The following SPATA6L variants were observed in gnomAD, a reference collection of about 807,000 sequenced individuals.
SPATA6L encodes spermatogenesis associated 6-like protein.
SPATA6L carries 68 observed loss-of-function variants against 49.2 expected under a neutral mutation model. The observed-to-expected ratio is 1.38, with a 90% confidence interval of 1.14 to 1.69. SPATA6L has a LOEUF of 1.69. SPATA6L is among the 40% of genes most tolerant of loss of function. SPATA6L has a pLI of 0.00. For missense variants in SPATA6L, 668 were observed against 464.3 expected, an observed-to-expected ratio of 1.44 and a Z score of -4.03; for synonymous variants, 198 against 165.7, an observed-to-expected ratio of 1.19 and a Z score of -1.50.
rs375894540 is a variant in SPATA6L, at chr9:4,661,888, G to A, written c.177+11C>T. The A allele has an allele frequency of 6.2e-7, 1 of 1,613,056 alleles. No homozygotes were observed. The highest frequency in any genetic ancestry group is 2.2e-5 in the East Asian group (1 of 44,838). On this transcript the variant is annotated intron_variant, in intron 2 of 11. Transcript: ENST00000682582. ...TCAGACAACAAAAGCCAATGAGAAA[G>A]TCAAGATCACCTTTTCAAATCTCAT...
At chr9:4,643,468 A>G (rs1462858148) in intron 3 of SPATA6L, among the ~76,000 whole-genome samples, 1 of 152,170 alleles carries the variant, frequency 6.6e-6, no homozygotes, top group Non-Finnish European at 1.5e-5. Flanking sequence ...ATTATTTGTA[A>G]ATATACCAAG....
At chr9:4,613,086 G>C (rs1827154791) in intron 9 of SPATA6L, among the ~76,000 whole-genome samples, 1 of 151,994 alleles carries the variant, frequency 6.6e-6, no homozygotes, top group African/African-American at 2.4e-5. Flanking sequence ...AAATTAGCCA[G>C]GTGTGGTGGT....
Position 4,589,591 on chromosome 9 carries a change from T to C in SPATA6L, c.*255-630A>G, listed in dbSNP as rs370821651. 4.6e-5 allele frequency among the ~76,000 whole-genome samples: 7 copies of C among 152,286 alleles called. No homozygotes were observed. In the East Asian group the frequency reaches 7.7e-4, roughly 17 times the overall value. On this transcript the variant is annotated intron_variant and NMD_transcript_variant, in intron 13 of 13. Transcript: ENST00000461761. ...TGTCATGTAGGAGGTAAACAAAAAA[T>C]AAGTGTTCGCAGTCCTTTCCTATGC... is the stretch of plus-strand genomic sequence containing the variant.
rs112652016 is a variant in SPATA6L at position 4,605,992 on chromosome 9, C to T, written c.996-552G>A. 3.1e-3 allele frequency among the ~76,000 whole-genome samples: 470 copies of T among 152,308 alleles called. 5 individuals are homozygous for T. Among genetic ancestry groups the T allele is most frequent in the African/African-American group, 0.011 (450 of 41,572 alleles). On this transcript the variant is annotated intron_variant, in intron 9 of 11. Transcript: ENST00000682582. ...GCCGAAGCAGGGCGAGGCATTGCCT[C>T]ACTCGGGAAGCGCAAGGGGTCAGGC...
chr9:4,606,855 G>C (rs1486177827), intron 9 of SPATA6L, among the ~76,000 whole-genome samples: 1 of 146,616 alleles, frequency 6.8e-6, no homozygotes, highest in African/African-American at 2.7e-5. Context: ...TGAGCTACGG[G>C]AGGACATTCA....
rs146828061 is a variant in SPATA6L at position 4,589,660 on chromosome 9, G to C, written c.*255-699C>G. ...GTTTGAGATGCTTGGGCTGTGTGAA[G>C]CTGAGATGTACCTTCACATAACACC... On this transcript the variant is annotated intron_variant and NMD_transcript_variant, in intron 13 of 13. Coordinates refer to the SPATA6L transcript ENST00000461761. 3.9e-5 allele frequency among the ~76,000 whole-genome samples: 6 copies of C among 152,304 alleles called. No individual in the cohort carries two copies. In the East Asian group the frequency reaches 1.2e-3, roughly 29 times the overall value.
At chr9:4,607,330 C>G (rs201623735) in intron 9 of SPATA6L, among the ~76,000 whole-genome samples, 6 of 151,634 alleles carry the variant, frequency 4.0e-5, no homozygotes, top group South Asian at 2.1e-4. Flanking sequence ...GCAACTCCAA[C>G]ACACATAATT....
At chr9:4,644,673 T>TCTCTC (rs796293655) in intron 3 of SPATA6L, among the ~76,000 whole-genome samples, 26 of 132,118 alleles carry the variant, frequency 2.0e-4, no homozygotes, top group African/African-American at 8.5e-4. Flanking sequence ...TCTCTCTCTC[T>TCTCTC]CTCTCTCTCT....
intron 3 of SPATA6L, among the ~76,000 whole-genome samples, chr9:4,649,838 T>C (rs1332708685): frequency 6.6e-6 from 1 of 152,206 alleles, no homozygotes; most frequent in African/African-American, 2.4e-5. Flanking sequence ...TATTGGGAAA[T>C]GAAATGAAAA....
rs1019819766 is a variant in SPATA6L, at chr9:4,592,323, A to G, written c.*255-3362T>C. 3.3e-5 allele frequency among the ~76,000 whole-genome samples: 5 copies of G among 151,858 alleles called. 1 individual carries two copies. Among genetic ancestry groups the G allele is most frequent in the Non-Finnish European group, 7.4e-5 (5 of 67,932 alleles). ...GAGGGAGACTCCATCTCAAAAAAAAAAAAAAAAAAATCACAGAGGAAGAAC... is the reference window on the plus strand; with the variant it reads ...GAGGGAGACTCCATCTCAAAAAAAAGAAAAAAAAAATCACAGAGGAAGAAC... On this transcript the variant is annotated intron_variant and NMD_transcript_variant, in intron 13 of 13. Transcript: ENST00000461761.
intron 3 of SPATA6L, among the ~76,000 whole-genome samples, chr9:4,639,129 C>T (rs564843460): frequency 6.6e-6 from 1 of 152,330 alleles, no homozygotes; most frequent in East Asian, 1.9e-4. Flanking sequence ...GTAGAATGCA[C>T]AGCATAGCAC....
intron 11 of SPATA6L, among the ~76,000 whole-genome samples, chr9:4,603,191 G>A (rs916920159): frequency 2.0e-5 from 3 of 152,128 alleles, no homozygotes; most frequent in Non-Finnish European, 2.9e-5. Flanking sequence ...CAGCACTTTG[G>A]GAGGCTGAGG....
chr9:4,622,522 G>A lies in SPATA6L; in HGVS notation c.670-12C>T. 1 of 1,580,272 alleles carries A rather than the reference G, an allele frequency of 6.3e-7. No homozygotes were observed. The highest frequency in any genetic ancestry group is 8.7e-7 in the Non-Finnish European group (1 of 1,153,404). On this transcript the variant is annotated splice_polypyrimidine_tract_variant and intron_variant, in intron 6 of 11. Transcript: ENST00000682582. ...TTTGCACTGTCCACCTGAAAGTAAAGGAAAGAAATAAGACTAGAATCCACT... is the reference window on the plus strand; with the variant it reads ...TTTGCACTGTCCACCTGAAAGTAAAAGAAAGAAATAAGACTAGAATCCACT...
chr9:4,656,450 AAGGAAGGAAGGAAGGAAGG>A (rs1838222941), intron 2 of SPATA6L, among the ~76,000 whole-genome samples: 21 of 121,760 alleles, frequency 1.7e-4, no homozygotes, highest in Non-Finnish European at 3.1e-4. Context: ...GAAAGGAAGG[AAGGAAGGAAGGAAGGAAGG>A]AAGGAAGGAA....
intron 3 of SPATA6L, among the ~76,000 whole-genome samples, chr9:4,638,173 G>A (rs1833187170): frequency 6.9e-6 from 1 of 143,914 alleles, no homozygotes; most frequent in Non-Finnish European, 1.5e-5. Flanking sequence ...GAGATAGAGA[G>A]GCTAGGAAGA....
chr9:4,636,368 G>A (rs1380217739), intron 3 of SPATA6L, among the ~76,000 whole-genome samples: 1 of 151,994 alleles, frequency 6.6e-6, no homozygotes, highest in Non-Finnish European at 1.5e-5. Flanking sequence ...TGTATAAGTT[G>A]ATTATATTAA....
rs761502015 is a variant in SPATA6L at position 4,662,789 on chromosome 9, G to T, written c.40-753C>A. 2 of 1,605,356 alleles carry T rather than the reference G, an allele frequency of 1.2e-6. No individual in the cohort carries two copies. The highest frequency in any genetic ancestry group is 1.7e-6 in the Non-Finnish European group (2 of 1,179,948). On this transcript the variant is annotated intron_variant, in intron 1 of 11. Coordinates refer to ENST00000682582, the MANE Select transcript of SPATA6L (RefSeq NM_001353486.2). This position sits in a 1 kb window ranked among gnomAD's most constrained non-coding sequence, Gnocchi z 4.9. ...TGCGACCCCTTATGAAGCTGCTGGA[G>T]ATCTCGGGACACGGCATCCCCTGGC...
chr9:4,650,312 T>TGCTA (rs1836512533), intron 3 of SPATA6L, among the ~76,000 whole-genome samples: 1 of 152,202 alleles, frequency 6.6e-6, no homozygotes, highest in African/African-American at 2.4e-5. Flanking sequence ...GTCCTAATTC[T>TGCTA]TTCAACTGAG....
At chr9:4,626,312 C>A (rs113275218) in intron 5 of SPATA6L, 2 of 1,168,252 alleles carry the variant, frequency 1.7e-6, no homozygotes, top group Admixed American at 3.4e-5. Flanking sequence ...GACCAGAGCC[C>A]CCTGTTCAGA....
Sources: gnomAD v4.1 joint callset for allele counts (sites outside exome capture counted in the v4.1 genomes callset) on GRCh38, gnomAD v4.1.1 for gene constraint, Gnocchi (gnomAD v3.1) non-coding constraint, MANE v1.5 for transcripts, NCBI Gene and HGNC (gene_info 2026-07-23, HGNC 2026-07-21) for gene names.